Variants in APBA2 observed in about 807,000 individuals in gnomAD.
APBA2 encodes amyloid-beta A4 precursor protein-binding family A member 2.
In APBA2, 30 loss-of-function variants were observed where a neutral mutation model predicts 75.0. The ratio of observed to expected loss-of-function variants is 0.40; its 90% CI spans 0.30 to 0.54. The LOEUF (loss-of-function observed/expected upper bound fraction) is 0.54. Ranked by LOEUF, APBA2 falls within the 20% of genes least tolerant of loss-of-function variation. The probability of loss-of-function intolerance (pLI) is 0.49; values close to 1 mark genes in which losing one functional copy is unlikely to be tolerated. For synonymous variants in APBA2, 444 were observed against 409.6 expected, an observed-to-expected ratio of 1.08 and a Z score of -1.01; for missense variants, 801 against 1,016.1, an observed-to-expected ratio of 0.79 and a Z score of 2.88.
At chr15:28,987,756 T>C (rs1000120385) in intron 2 of APBA2, among the ~76,000 whole-genome samples, 2 of 97,674 alleles carry the variant, frequency 2.0e-5, no homozygotes, top group Non-Finnish European at 3.8e-5. Context: ...ATATATATTC[T>C]TTTTTTTTTT....
At position 29,045,478 on chromosome 15, in the gene APBA2, A is replaced by G. The variant is rs531544657; in HGVS notation, c.-40-8367A>G. Among the ~76,000 whole-genome samples the G allele has an allele frequency of 7.9e-5, 12 of 152,152 alleles. No individual in the cohort carries two copies. In the South Asian group the frequency reaches 1.5e-3, roughly 18 times the overall value. On this transcript the variant is annotated intron_variant, in intron 3 of 14. Transcript: ENST00000683413. ...CCCAAAGACCCCACCTCCTAATGCC[A>G]TCACACTGGGGGTCAGGATTTCTAC...
chr15:29,032,294 C>T (rs2040528230), intron 3 of APBA2, among the ~76,000 whole-genome samples: 1 of 152,158 alleles, frequency 6.6e-6, no homozygotes, highest in South Asian at 2.1e-4. Context: ...ACATAGTAGA[C>T]CTTGAGTAAA....
chr15:29,048,221 G>T (rs2041434709), intron 3 of APBA2, among the ~76,000 whole-genome samples: 1 of 152,150 alleles, frequency 6.6e-6, no homozygotes. Context: ...GATGACACAT[G>T]CCTGTAATCC....
intron 2 of APBA2, among the ~76,000 whole-genome samples, chr15:28,981,157 A>C (rs1424748018): frequency 6.6e-6 from 1 of 152,222 alleles, no homozygotes; most frequent in African/African-American, 2.4e-5. Context: ...TGCAACAAAA[A>C]CAAAAATCAA....
chr15:28,945,629 C>G (rs762848978), intron 2 of APBA2, among the ~76,000 whole-genome samples: 4 of 151,778 alleles, frequency 2.6e-5, no homozygotes, highest in Non-Finnish European at 4.4e-5. Context: ...AGCGATTCTC[C>G]TGCCTCAGCC....
chr15:29,054,330 C>A lies in APBA2; in HGVS notation c.446C>A (p.Pro149His). ...TGGACGGACTCGGCGGGCCCGCACC[C>A]CCACGGCCACGAGGCTGAAGGCAGC... The part of the protein sequence containing the change: ...EEWTDSAGPH[P>H]HGHEAEGSQD... Residue 149 changes from proline to histidine, a missense_variant, in exon 4 of 15, where the codon CCC (proline) becomes CAC (histidine). Transcript: ENST00000683413. This position sits in a 1 kb window ranked among gnomAD's most constrained non-coding sequence, Gnocchi z 6.1. 6.2e-7 allele frequency: 1 copy of A among 1,614,026 alleles called. No homozygotes were observed. Among genetic ancestry groups the A allele is most frequent in the Non-Finnish European group, 8.5e-7 (1 of 1,180,002 alleles).
rs142666278 is a variant in APBA2, at chr15:29,041,028, T to C, written c.-40-12817T>C. 2.8e-3 allele frequency among the ~76,000 whole-genome samples: 393 copies of C among 140,316 alleles called. 2 individuals are homozygous for C. Among genetic ancestry groups the C allele is most frequent in the African/African-American group, 0.01 (376 of 35,986 alleles). 92.1% of individuals were successfully genotyped at this position (140,316 alleles called of 152,430 possible). A position where few individuals can be genotyped will look rare whatever the true frequency, so the allele number is the denominator to read the frequency against. ...CATAGAAATTCGCAGCAGGGCAATA[T>C]GAAAAAAAAAAGAAAAAAATAGGAA... is the stretch of plus-strand genomic sequence containing the variant. On this transcript the variant is annotated intron_variant, in intron 3 of 14. Transcript: ENST00000683413.
chr15:29,020,531 T>A (rs994444702), intron 3 of APBA2, among the ~76,000 whole-genome samples: 3 of 151,650 alleles, frequency 2.0e-5, no homozygotes, highest in Non-Finnish European at 2.9e-5. Context: ...ACCGGCCGGG[T>A]GCTGTGGCTC....
chr15:28,985,117 T>A (rs1180527681), intron 2 of APBA2, among the ~76,000 whole-genome samples: 1 of 152,074 alleles, frequency 6.6e-6, no homozygotes, highest in Admixed American at 6.6e-5. Context: ...TTTGGTGACA[T>A]CACACCCTTC....
At chr15:29,103,468 T>A (rs954778999) in intron 10 of APBA2, among the ~76,000 whole-genome samples, 12 of 152,228 alleles carry the variant, frequency 7.9e-5, no homozygotes, top group African/African-American at 2.9e-4. Context: ...CGACCCCTTC[T>A]CTGAAGCGCC....
chr15:29,071,968 C>G (rs554698644), intron 4 of APBA2, among the ~76,000 whole-genome samples: 10 of 152,180 alleles, frequency 6.6e-5, no homozygotes, highest in African/African-American at 2.4e-4. Flanking sequence ...GTGTCCCCAG[C>G]CAAGCCTTGA....
At chr15:29,095,229 A>G (rs1432301727) in intron 8 of APBA2, among the ~76,000 whole-genome samples, 1 of 152,170 alleles carries the variant, frequency 6.6e-6, no homozygotes, top group Non-Finnish European at 1.5e-5. Context: ...GGAGTTCGAG[A>G]TTAGCCTGAC....
rs1177897744 is a variant in APBA2, at chr15:28,990,024, C to T, written c.-94-5729C>T. The stretch of plus-strand genomic sequence containing the variant: ...TGTCAGAGCCCTGCTGAGAAGGGCG[C>T]GGGGAACTGTGTTCCTGTCTACCTG... On this transcript the variant is annotated intron_variant, in intron 2 of 14. Transcript: ENST00000683413. Among the ~76,000 whole-genome samples the T allele has an allele frequency of 4.6e-5, 7 of 152,120 alleles. 1 individual carries two copies. The South Asian group carries it at 6.2e-4, about 13-fold the overall frequency.
At chr15:28,909,448 C>A (rs1424471358) in intron 1 of APBA2, among the ~76,000 whole-genome samples, 1 of 152,222 alleles carries the variant, frequency 6.6e-6, no homozygotes, top group Non-Finnish European at 1.5e-5. Flanking sequence ...AACTTCCTTC[C>A]TTCTTAGGGC....
chr15:28,927,792 C>A (rs151255480), intron 2 of APBA2, among the ~76,000 whole-genome samples: 2 of 151,978 alleles, frequency 1.3e-5, no homozygotes, highest in South Asian at 4.2e-4. Context: ...TGTCTTCAGG[C>A]TGATTATTTT....
At chr15:29,044,042 C>T (rs184972396) in intron 3 of APBA2, among the ~76,000 whole-genome samples, 2 of 152,254 alleles carry the variant, frequency 1.3e-5, no homozygotes, top group East Asian at 3.9e-4. Context: ...ATAATATTAT[C>T]TTTACAACAT....
chr15:28,988,917 C>T (rs1460161160), intron 2 of APBA2, among the ~76,000 whole-genome samples: 2 of 152,180 alleles, frequency 1.3e-5, no homozygotes, highest in African/African-American at 4.8e-5. Context: ...CCACTGACAG[C>T]GTATGAGTTT....
rs1265951847 is a variant in APBA2 at position 28,915,550 on chromosome 15, T to C, written c.-204-6090T>C. 6.8e-5 allele frequency among the ~76,000 whole-genome samples: 9 copies of C among 132,848 alleles called. No homozygotes were observed. The East Asian group carries it at 1.5e-3, about 23-fold the overall frequency. The allele number at this position is 132,848 out of a possible 152,430, so 87.2% of individuals were successfully genotyped here. ...ACACCCCATAGACACCATACACACA[T>C]CACACCATACTCTATATACATATCA... On this transcript the variant is annotated intron_variant, in intron 1 of 14. Coordinates refer to ENST00000683413, the MANE Select transcript of APBA2 (RefSeq NM_001353788.2).
chr15:28,965,335 T>C (rs1362733636), intron 2 of APBA2, among the ~76,000 whole-genome samples: 1 of 152,224 alleles, frequency 6.6e-6, no homozygotes, highest in Non-Finnish European at 1.5e-5. Context: ...TTGATCTCTG[T>C]GTCTCTCCCT....
Sources: gnomAD v4.1 joint callset for allele counts (sites outside exome capture counted in the v4.1 genomes callset) on GRCh38, gnomAD v4.1.1 for gene constraint, Gnocchi (gnomAD v3.1) non-coding constraint, MANE v1.5 for transcripts, NCBI Gene and HGNC (gene_info 2026-07-23, HGNC 2026-07-21) for gene names.